Variants in KANK1 observed in about 807,000 individuals in gnomAD.
KANK1 encodes the protein KN motif and ankyrin repeat domain-containing protein 1.
KANK1 carries 109 observed loss-of-function variants against 106.2 expected under a neutral mutation model. The ratio of observed to expected loss-of-function variants is 1.03; its 90% CI spans 0.88 to 1.20. The LOEUF (loss-of-function observed/expected upper bound fraction) is 1.20. Among genes scored for constraint, KANK1 ranks in the 50% most tolerant of loss-of-function variants. The pLI is 0.00. For missense variants in KANK1, 2,399 were observed against 1,710.7 expected (o/e 1.40, Z -7.10); for synonymous variants, 873 against 652.2 (o/e 1.34, Z -5.16).
chr9:577,481 T>C (rs111576106), intron 1 of KANK1, among the ~76,000 whole-genome samples: 11,482 of 152,050 alleles, frequency 0.076, 1,150 homozygotes, highest in East Asian at 0.22. Context: ...AGACACAGAG[T>C]GCTAATTGGT....
At chr9:516,574 G>A (rs886228963) in intron 1 of KANK1, among the ~76,000 whole-genome samples, 6 of 151,654 alleles carry the variant, frequency 4.0e-5, no homozygotes, top group African/African-American at 1.5e-4. Flanking sequence ...GGTTTTGGCT[G>A]TAGAGTGGGA....
Position 538,213 on chromosome 9 carries a change from G to A in KANK1, c.-84+33459G>A, listed in dbSNP as rs758211865. 4.8e-4 allele frequency among the ~76,000 whole-genome samples: 73 copies of A among 152,128 alleles called. 1 individual carries two copies. The highest frequency in any genetic ancestry group is 2.1e-4 in the Non-Finnish European group (14 of 68,020). On this transcript the variant is annotated intron_variant, in intron 1 of 11. Transcript: ENST00000382297. ...AAAGTTAATAATAGTGCCCAACTTAGGATGATTGTACTTGAGAAAGATCGT... is the reference window on the plus strand; with the variant it reads ...AAAGTTAATAATAGTGCCCAACTTAAGATGATTGTACTTGAGAAAGATCGT...
intron 1 of KANK1, among the ~76,000 whole-genome samples, chr9:580,176 CTCT>C (rs1046115289): frequency 9.2e-5 from 14 of 151,732 alleles, no homozygotes; most frequent in African/African-American, 3.4e-4. Context: ...AGTGTAACAG[CTCT>C]TAAGGCGGCG....
chr9:538,404 A>G (rs2060417383), intron 1 of KANK1, among the ~76,000 whole-genome samples: 1 of 152,242 alleles, frequency 6.6e-6, no homozygotes, highest in Admixed American at 6.5e-5. Context: ...TCAGTTCTCC[A>G]GGAAGAAGAG....
chr9:474,823 C>G (rs2058077682), intron 3 of KANK1, among the ~76,000 whole-genome samples: 1 of 152,210 alleles, frequency 6.6e-6, no homozygotes, highest in South Asian at 2.1e-4. Flanking sequence ...TCTAGGCCAT[C>G]TAGACTTTCC....
intron 1 of KANK1, among the ~76,000 whole-genome samples, chr9:624,016 G>GTA (rs1024413746): frequency 1.3e-5 from 2 of 152,064 alleles, no homozygotes; most frequent in African/African-American, 2.4e-5. Context: ...AGAAAATGTG[G>GTA]TATATATATA....
At chr9:705,990 T>C (rs1241847454) in intron 2 of KANK1, among the ~76,000 whole-genome samples, 1 of 152,118 alleles carries the variant, frequency 6.6e-6, no homozygotes, top group Non-Finnish European at 1.5e-5. Flanking sequence ...TTGTTAAAGT[T>C]GGGAAATAAA....
At chr9:506,749 A>G in intron 1 of KANK1, among the ~76,000 whole-genome samples, 1 of 152,312 alleles carries the variant, frequency 6.6e-6, no homozygotes, top group East Asian at 1.9e-4. Context: ...GTGTGCATAC[A>G]TTAACTTTTT....
chr9:743,473 C>T (rs55831228), intron 10 of KANK1, among the ~76,000 whole-genome samples: 4,391 of 152,226 alleles, frequency 0.029, 170 homozygotes, highest in African/African-American at 0.086. Context: ...GATTTTACTT[C>T]TATTATCTTT....
intron 2 of KANK1, among the ~76,000 whole-genome samples, chr9:710,370 C>G (rs374626796): frequency 6.6e-6 from 1 of 152,178 alleles, no homozygotes. Context: ...GTAATCCCAG[C>G]ACTTTGGGAG....
At chr9:570,427 C>T (rs983715955) in intron 1 of KANK1, among the ~76,000 whole-genome samples, 1 of 152,082 alleles carries the variant, frequency 6.6e-6, no homozygotes, top group African/African-American at 2.4e-5. Flanking sequence ...GTGTACAGCT[C>T]GCCGTATAAA....
chr9:637,608 C>T (rs543753438), intron 1 of KANK1, among the ~76,000 whole-genome samples: 2 of 152,272 alleles, frequency 1.3e-5, no homozygotes, highest in Admixed American at 1.3e-4. Flanking sequence ...GATGCTAATG[C>T]TTTATCTGGG....
intron 3 of KANK1, among the ~76,000 whole-genome samples, chr9:722,263 A>C (rs561844394): frequency 2.6e-5 from 4 of 152,198 alleles, no homozygotes; most frequent in Admixed American, 1.3e-4. Flanking sequence ...TATTTTATTT[A>C]TTTTATTTTT....
chr9:514,583 C>T (rs1412527572), intron 1 of KANK1, among the ~76,000 whole-genome samples: 3 of 151,384 alleles, frequency 2.0e-5, no homozygotes, highest in Non-Finnish European at 4.4e-5. Flanking sequence ...TCGTGTCTAG[C>T]TTCTCTCCAT....
chr9:517,588 G>C (rs1006094001), intron 1 of KANK1, among the ~76,000 whole-genome samples: 5 of 151,510 alleles, frequency 3.3e-5, no homozygotes, highest in African/African-American at 1.2e-4. Context: ...TGCCTATAGA[G>C]CTTTTTCACA....
Position 662,459 on chromosome 9 carries a change from G to A in KANK1, c.-83-14431G>A, listed in dbSNP as rs538570768. On this transcript the variant is annotated intron_variant, in intron 1 of 11. Coordinates refer to ENST00000382297, the MANE Select transcript of KANK1 (RefSeq NM_015158.5). ...AGGCTTCGGTAACCAAAACAGCATGGTACTGGTACCAAAACAGAGATAGAC... is the reference window on the plus strand; with the variant it reads ...AGGCTTCGGTAACCAAAACAGCATGATACTGGTACCAAAACAGAGATAGAC... Among the ~76,000 whole-genome samples, 386 of 152,166 alleles carry A rather than the reference G, an allele frequency of 2.5e-3. 1 individual carries two copies. The highest frequency in any genetic ancestry group is 4.2e-3 in the Non-Finnish European group (285 of 68,002).
chr9:712,526 A>G lies in KANK1; in HGVS notation c.1760A>G (p.Glu587Gly), dbSNP rs141234076. ...MHDRCAGRSVEMCDKSVSVEV... is the reference protein window; with the variant it reads ...MHDRCAGRSVGMCDKSVSVEV... ...GACCGATGTGCTGGGAGGTCTGTGG[A>G]AATGTGTGACAAGAGTGTGAGTGTG... The change falls in exon 3 of 12, where the codon GAA (glutamate) becomes GGA (glycine). Residue 587 changes from glutamate (E) to glycine (G), a missense_variant. Physicochemically the swap from Glu to Gly is moderately conservative, Grantham distance 98. Coordinates refer to ENST00000382297, the MANE Select transcript of KANK1 (RefSeq NM_015158.5). 1,136 of 1,614,146 alleles carry G rather than the reference A, an allele frequency of 7.0e-4. 4 individuals are homozygous for G. The Admixed American group carries it at 8.0e-3, about 11-fold the overall frequency.
At chr9:561,800 A>T (rs1563772106) in intron 1 of KANK1, among the ~76,000 whole-genome samples, 1 of 152,234 alleles carries the variant, frequency 6.6e-6, no homozygotes, top group Non-Finnish European at 1.5e-5. Flanking sequence ...TTTCAGTCTT[A>T]CTATGTAAGT....
intron 1 of KANK1, among the ~76,000 whole-genome samples, chr9:535,766 C>T (rs544457487): frequency 6.6e-6 from 1 of 152,312 alleles, no homozygotes; most frequent in African/African-American, 2.4e-5. Flanking sequence ...GAGATATTCT[C>T]TAAGGCTATT....
Sources: gnomAD v4.1 joint callset for allele counts (sites outside exome capture counted in the v4.1 genomes callset) on GRCh38, gnomAD v4.1.1 for gene constraint, MANE v1.5 for transcripts, NCBI Gene and HGNC (gene_info 2026-07-23, HGNC 2026-07-21) for gene names.